The following FAM135B variants were observed in gnomAD, a reference collection of about 807,000 sequenced individuals.
The protein encoded by FAM135B is family with sequence similarity 135 member B.
In FAM135B, 43 loss-of-function variants were observed where a neutral mutation model predicts 127.7. That is an observed-to-expected ratio of 0.34 (90% CI 0.26 to 0.43). The LOEUF is 0.43. FAM135B is among the 20% of genes least tolerant of loss of function. The pLI is 1.00. For missense variants in FAM135B, 1,558 were observed against 1,725.6 expected (o/e 0.90, Z 1.72); for synonymous variants, 670 against 665.1 (o/e 1.01, Z -0.11).
chr8:138,449,037 T>C (rs1207771430), intron 1 of FAM135B, among the ~76,000 whole-genome samples: 2 of 152,172 alleles, frequency 1.3e-5, no homozygotes, highest in Non-Finnish European at 2.9e-5. Flanking sequence ...TCATTTCTTT[T>C]AAACAATTAT....
At chr8:138,160,459 A>G (rs12543596) in intron 12 of FAM135B, among the ~76,000 whole-genome samples, 103,388 of 151,412 alleles carry the variant, frequency 0.68, 35,333 homozygotes, top group East Asian at 0.76. Context: ...CTCCATCTTG[A>G]CTCACTGCAA....
At chr8:138,353,193 C>T (rs1262466568) in intron 2 of FAM135B, among the ~76,000 whole-genome samples, 3 of 152,090 alleles carry the variant, frequency 2.0e-5, no homozygotes, top group Non-Finnish European at 2.9e-5. Flanking sequence ...TCTCTGTCTC[C>T]GACCATATTG....
At chr8:138,137,860 C>T (rs1563670468) in intron 18 of FAM135B, among the ~76,000 whole-genome samples, 2 of 152,112 alleles carry the variant, frequency 1.3e-5, no homozygotes, top group Non-Finnish European at 1.5e-5. Context: ...CAGAGCCCAT[C>T]GTGAACTTCC....
chr8:138,319,305 C>T (rs1453125911), intron 2 of FAM135B, among the ~76,000 whole-genome samples: 2 of 152,112 alleles, frequency 1.3e-5, no homozygotes, highest in Non-Finnish European at 2.9e-5. Flanking sequence ...CGGGGTTTCA[C>T]CATGTTGGCC....
intron 1 of FAM135B, among the ~76,000 whole-genome samples, chr8:138,386,576 G>C (rs1832232058): frequency 6.6e-6 from 1 of 152,160 alleles, no homozygotes; most frequent in Non-Finnish European, 1.5e-5. Context: ...CTGTGGTATA[G>C]AATGAATTTG....
Position 138,178,592 on chromosome 8 carries a change from T to C in FAM135B, c.972A>G (p.Thr324=), listed in dbSNP as rs1814706044. The change falls in exon 10 of 20, where the codon ACA becomes ACG. Residue 324 remains threonine, a synonymous_variant. Coordinates refer to ENST00000395297, the MANE Select transcript of FAM135B (RefSeq NM_015912.4). ...TGGTCACTTGGGAGTGCAGAGTGAC[T>C]GTGTCCAGGAACTGGGTCCACAGAG... ...MMTLWTQFLD[T]VTLHSQVTTY... 1.2e-6 allele frequency: 2 copies of C among 1,614,122 alleles called. No individual in the cohort carries two copies. Among genetic ancestry groups the C allele is most frequent in the Non-Finnish European group, 1.7e-6 (2 of 1,180,038 alleles).
chr8:138,177,718 A>G (rs1814611332), intron 10 of FAM135B, among the ~76,000 whole-genome samples: 1 of 152,200 alleles, frequency 6.6e-6, no homozygotes, highest in South Asian at 2.1e-4. Context: ...CTACTAGAAT[A>G]TAAGACCTCT....
chr8:138,228,178 CTCCCAAGTCTA>C, intron 7 of FAM135B, among the ~76,000 whole-genome samples: 1 of 152,256 alleles, frequency 6.6e-6, no homozygotes, highest in South Asian at 2.1e-4. Context: ...ACGTGTTTGA[CTCCCAAGTCTA>C]TCCCTTTTGG....
At chr8:138,139,150 A>C (rs1816913330) in intron 17 of FAM135B, 54 bp from the exon 18 acceptor site, 1 of 1,153,434 alleles carries the variant, frequency 8.7e-7, no homozygotes, top group Non-Finnish European at 1.3e-6. Context: ...AACAAAAACT[A>C]ACTGGGATGG....
intron 7 of FAM135B, among the ~76,000 whole-genome samples, chr8:138,219,174 G>C (rs1328360011): frequency 1.3e-5 from 2 of 152,160 alleles, no homozygotes; most frequent in Non-Finnish European, 2.9e-5. Context: ...TATTTGAAAA[G>C]TGATTTTTCA....
chr8:138,372,117 T>C (rs1008385452), intron 1 of FAM135B, among the ~76,000 whole-genome samples: 9 of 152,176 alleles, frequency 5.9e-5, no homozygotes, highest in Non-Finnish European at 1.0e-4. Context: ...TTGCCATGCC[T>C]CAGTCTAGGG....
In FAM135B at chr8:138,391,967, A is replaced by G. The variant is rs114822811; in HGVS notation, c.-19-23965T>C. Among the ~76,000 whole-genome samples the G allele has an allele frequency of 6.5e-3, 988 of 152,232 alleles. 15 individuals carry two copies. The highest frequency in any genetic ancestry group is 0.023 in the African/African-American group (949 of 41,542). Reference sequence around the variant, plus strand: ...GTAAGTAAACACTGCCTAGAGGAGGATGGGTCTCTCTCACCTCTTTGACCA... The same window carrying G: ...GTAAGTAAACACTGCCTAGAGGAGGGTGGGTCTCTCTCACCTCTTTGACCA... On this transcript the variant is annotated intron_variant, in intron 1 of 19. Coordinates refer to ENST00000395297, the MANE Select transcript of FAM135B (RefSeq NM_015912.4).
chr8:138,488,598 C>T (rs1418282949), intron 1 of FAM135B, among the ~76,000 whole-genome samples: 1 of 152,074 alleles, frequency 6.6e-6, no homozygotes, highest in Non-Finnish European at 1.5e-5. Context: ...AGGAAAAATC[C>T]CTAAGGCCAG....
intron 1 of FAM135B, among the ~76,000 whole-genome samples, chr8:138,436,090 G>A (rs1290777006): frequency 1.3e-5 from 2 of 152,156 alleles, no homozygotes; most frequent in African/African-American, 2.4e-5. Flanking sequence ...GAGAGGTGGA[G>A]ACCAGATCCT....
rs1436613213 is a variant in FAM135B, at chr8:138,250,871, G to T, written c.512C>A (p.Ala171Asp). 1 of 1,613,888 alleles carries T rather than the reference G, an allele frequency of 6.2e-7. No homozygotes were observed. Residue 171 changes from alanine to aspartate, a missense_variant, in exon 6 of 20, where the codon GCC (alanine) becomes GAC (aspartate). By Grantham distance (126) the Ala-to-Asp change is moderately radical. Around this residue, in one of 5 missense-constraint regions of FAM135B, gnomAD observed 199 missense variants for 245.7 expected, o/e 0.81. Transcript: ENST00000395297. ...CAATGGCTGCTGCAGAGCCACCAGG[G>T]CAGCATGGACGGTCACCGAGATCAC... ...LSVISVTVHA[A>D]LVALQQPLIS...
At chr8:138,329,378 T>C (rs1174210383) in intron 2 of FAM135B, among the ~76,000 whole-genome samples, 1 of 152,216 alleles carries the variant, frequency 6.6e-6, no homozygotes, top group East Asian at 1.9e-4. Context: ...TGTCTCTTAA[T>C]TGCTTTTTGA....
intron 2 of FAM135B, among the ~76,000 whole-genome samples, chr8:138,312,720 A>G (rs915916274): frequency 5.3e-5 from 8 of 152,156 alleles, no homozygotes; most frequent in Admixed American, 1.3e-4. Context: ...CCATCCCCAG[A>G]CTGCATGAAA....
In FAM135B at chr8:138,143,062, A is replaced by G; in HGVS notation, c.3588T>C (p.Asp1196=). The G allele has an allele frequency of 6.2e-7, 1 of 1,611,202 alleles. No homozygotes were observed. The highest frequency in any genetic ancestry group is 1.1e-5 in the South Asian group (1 of 91,012). Residue 1196 remains aspartate, a synonymous_variant, in exon 16 of 20, where the codon GAT becomes GAC. Transcript: ENST00000395297. ...ACAACTGAATGTGTTGAATGATTTC[A>G]TCCAATAACCGATCCGTCATAGTAT... ...DFDTMTDRLL[D]EIIQHIQLYN...
At position 138,263,267 on chromosome 8, in the gene FAM135B, G is replaced by T. The variant is rs560969210; in HGVS notation, c.297+2436C>A. ...TGGTCCGTACCCGTGGCTATCAAAA[G>T]CTGATATAAGCAGGCTCCAGCACAC... On this transcript the variant is annotated intron_variant, in intron 4 of 19. Transcript: ENST00000395297. Among the ~76,000 whole-genome samples the T allele has an allele frequency of 7.9e-5, 12 of 152,296 alleles. No homozygotes were observed. The South Asian group carries it at 2.3e-3, about 29-fold the overall frequency.
Sources: gnomAD v4.1 joint callset for allele counts (sites outside exome capture counted in the v4.1 genomes callset) on GRCh38, gnomAD v4.1.1 for gene constraint, gnomAD v4.1.1 regional missense constraint, MANE v1.5 for transcripts, NCBI Gene and HGNC (gene_info 2026-07-23, HGNC 2026-07-21) for gene names.